The following GPR141 variants were observed in gnomAD, a reference collection of about 807,000 sequenced individuals.
GPR141 encodes the protein G protein-coupled receptor 141.
GPR141 carries 6 observed loss-of-function variants against 6.8 expected under a neutral mutation model. The observed-to-expected ratio is 0.88, with a 90% CI of 0.48 to 1.74. The LOEUF (loss-of-function observed/expected upper bound fraction) is 1.74, where lower values mean the gene tolerates loss of function less well. Ranked by LOEUF, GPR141 falls within the 40% of genes most tolerant of loss-of-function variation. The probability of loss-of-function intolerance (pLI) is 0.01; values close to 1 mark genes in which losing one functional copy is unlikely to be tolerated. For synonymous variants in GPR141, 140 were observed against 142.3 expected, an observed-to-expected ratio of 0.98 and a Z score of 0.11; for missense variants, 372 against 372.9, an observed-to-expected ratio of 1.00 and a Z score of 0.02.
chr7:37,709,972 C>G (rs1445919906), intron 2 of GPR141, among the ~76,000 whole-genome samples: 4 of 149,506 alleles, frequency 2.7e-5, no homozygotes, highest in Non-Finnish European at 6.0e-5. Context: ...TGCACGCCCG[C>G]AGTAAGCATT....
chr7:37,708,867 C>G (rs1201135618), intron 2 of GPR141, among the ~76,000 whole-genome samples: 1 of 152,178 alleles, frequency 6.6e-6, no homozygotes, highest in Non-Finnish European at 1.5e-5. Flanking sequence ...GCCTTCTCAA[C>G]ATTTTACATT....
chr7:37,723,274 T>TGAGC, intron 2 of GPR141, among the ~76,000 whole-genome samples: 1 of 152,206 alleles, frequency 6.6e-6, no homozygotes, highest in Admixed American at 6.5e-5. Context: ...ATTATAGACA[T>TGAGC]GAGCCACCGT....
chr7:37,726,982 G>A (rs1035815671), intron 2 of GPR141, among the ~76,000 whole-genome samples: 2 of 152,196 alleles, frequency 1.3e-5, no homozygotes, highest in South Asian at 4.1e-4. Context: ...ATAGAAAATG[G>A]AGTTCGTATT....
chr7:37,732,224 A>G (rs992890140), intron 2 of GPR141, among the ~76,000 whole-genome samples: 6 of 142,558 alleles, frequency 4.2e-5, no homozygotes, highest in Non-Finnish European at 9.1e-5. Flanking sequence ...GCTCACTGCA[A>G]CCTCTCTTTT....
intron 2 of GPR141, among the ~76,000 whole-genome samples, chr7:37,717,600 A>G (rs1811108139): frequency 6.6e-6 from 1 of 151,920 alleles, no homozygotes; most frequent in Middle Eastern, 3.4e-3. Flanking sequence ...TGTGTACTAA[A>G]TCCTTTCTGC....
chr7:37,708,121 C>A (rs570998182), intron 2 of GPR141, among the ~76,000 whole-genome samples: 18 of 152,058 alleles, frequency 1.2e-4, no homozygotes, highest in African/African-American at 4.1e-4. Flanking sequence ...CTCATTGAAA[C>A]CGTCACAGCA....
intron 2 of GPR141, among the ~76,000 whole-genome samples, chr7:37,705,277 AT>A (rs1172191978): frequency 6.6e-6 from 1 of 152,244 alleles, no homozygotes; most frequent in Non-Finnish European, 1.5e-5. Context: ...TTTGAAGAAT[AT>A]TCTGCCATAG....
chr7:37,699,873 C>A (rs1313237083), intron 2 of GPR141, among the ~76,000 whole-genome samples: 1 of 152,216 alleles, frequency 6.6e-6, no homozygotes, highest in Non-Finnish European at 1.5e-5. Flanking sequence ...GACAGAGAAT[C>A]AGCATGGGGC....
chr7:37,687,725 T>C (rs1809572817), intron 2 of GPR141, among the ~76,000 whole-genome samples: 1 of 152,086 alleles, frequency 6.6e-6, no homozygotes, highest in Non-Finnish European at 1.5e-5. Flanking sequence ...TGCTTGCATG[T>C]TCTACAAATT....
chr7:37,714,814 A>C (rs2131798447), intron 2 of GPR141, among the ~76,000 whole-genome samples: 1 of 152,334 alleles, frequency 6.6e-6, no homozygotes, highest in Admixed American at 6.5e-5. Context: ...GATGTGTGGA[A>C]ACAGGATGTA....
chr7:37,703,582 A>G (rs1810391339), intron 2 of GPR141, among the ~76,000 whole-genome samples: 1 of 152,224 alleles, frequency 6.6e-6, no homozygotes, highest in African/African-American at 2.4e-5. Flanking sequence ...AATTGAATCC[A>G]AACTCTGGGT....
chr7:37,700,658 A>G (rs1810239673), intron 2 of GPR141, among the ~76,000 whole-genome samples: 1 of 152,218 alleles, frequency 6.6e-6, no homozygotes, highest in Non-Finnish European at 1.5e-5. Context: ...GTTTATAGTC[A>G]AATAACATAC....
At chr7:37,711,293 C>T (rs1006762154) in intron 2 of GPR141, among the ~76,000 whole-genome samples, 5 of 152,166 alleles carry the variant, frequency 3.3e-5, no homozygotes, top group Non-Finnish European at 7.3e-5. Flanking sequence ...CTGATGCTGC[C>T]AGTGCACTGA....
intron 2 of GPR141, among the ~76,000 whole-genome samples, chr7:37,720,401 T>C (rs952340394): frequency 6.6e-6 from 1 of 152,132 alleles, no homozygotes; most frequent in Non-Finnish European, 1.5e-5. Flanking sequence ...GAGTGTAGTT[T>C]CCAGTTTCAA....
rs993171112 is a variant in GPR141, at chr7:37,741,402, A to G, written c.*91A>G. 14 of 978,104 alleles carry G rather than the reference A, an allele frequency of 1.4e-5. No individual in the cohort carries two copies. Among genetic ancestry groups the G allele is most frequent in the African/African-American group, 1.6e-5 (1 of 61,428 alleles). The allele number at this position is 978,104 out of a possible 1,614,324, so 60.6% of individuals were successfully genotyped here. A position where few individuals can be genotyped will look rare whatever the true frequency, so the allele number is the denominator to read the frequency against. On this transcript the variant is annotated 3_prime_UTR_variant, in exon 3 of 3. Coordinates refer to ENST00000334425, the MANE Select transcript of GPR141 (RefSeq NM_001381946.1). ...AAGAATGGTATTTCATTACTTGATCAAAACCATGCCTTGATGTACCCAAAA... is the reference window on the plus strand; with the variant it reads ...AAGAATGGTATTTCATTACTTGATCGAAACCATGCCTTGATGTACCCAAAA...
chr7:37,718,555 G>GGAAGGAAGGAAA (rs1283717499), intron 2 of GPR141, among the ~76,000 whole-genome samples: 2 of 150,308 alleles, frequency 1.3e-5, no homozygotes, highest in East Asian at 1.9e-4. Context: ...AAGGAAGGAA[G>GGAAGGAAGGAAA]GAAAGAAAGA....
chr7:37,741,041 A>G lies in GPR141; in HGVS notation c.648A>G (p.Leu216=), dbSNP rs561093165. Residue 216 remains leucine (L), a synonymous_variant, in exon 3 of 3, where the codon CTA becomes CTG. Transcript: ENST00000334425. The part of the protein sequence containing the change: ...LMVQKLRHSL[L]SHQEFWAQLK... ...TGCAGAAGCTACGCCACTCTTTACT[A>G]TCCCACCAGGAGTTCTGGGCTCAGC... The G allele has an allele frequency of 6.2e-7, 1 of 1,614,122 alleles. No homozygotes were observed. Among genetic ancestry groups the G allele is most frequent in the African/African-American group, 1.3e-5 (1 of 75,030 alleles).
intron 2 of GPR141, among the ~76,000 whole-genome samples, chr7:37,718,161 T>C (rs995734610): frequency 2.0e-5 from 3 of 152,086 alleles, no homozygotes; most frequent in Non-Finnish European, 2.9e-5. Flanking sequence ...TCATGGGGAC[T>C]ATAGTCTAGT....
At chr7:37,692,876 C>G (rs1026415715) in intron 2 of GPR141, among the ~76,000 whole-genome samples, 8 of 151,986 alleles carry the variant, frequency 5.3e-5, no homozygotes, top group Admixed American at 2.0e-4. Flanking sequence ...GTTTGAGTTC[C>G]TTGTAAATTC....
Sources: gnomAD v4.1 joint callset for allele counts (sites outside exome capture counted in the v4.1 genomes callset) on GRCh38, gnomAD v4.1.1 for gene constraint, MANE v1.5 for transcripts, NCBI Gene and HGNC (gene_info 2026-07-23, HGNC 2026-07-21) for gene names.